Variants in TRAPPC12 observed in about 807,000 individuals in gnomAD.
The protein encoded by TRAPPC12 is TPR repeat protein 15.
Under a neutral mutation model 69.2 loss-of-function variants are expected in TRAPPC12, and 61 were observed. That is an observed-to-expected ratio of 0.88 (90% CI 0.72 to 1.09). The LOEUF is 1.09. Among genes scored for constraint, TRAPPC12 ranks in the 50% least tolerant of loss-of-function variants. The probability of loss-of-function intolerance (pLI) is 0.00; values close to 1 mark genes in which losing one functional copy is unlikely to be tolerated. For missense variants in TRAPPC12, 1,101 were observed against 1,016.4 expected (o/e 1.08, Z -1.13); for synonymous variants, 469 against 438.9 (o/e 1.07, Z -0.86).
In TRAPPC12 at chr2:3,436,232, A is replaced by G. The variant is rs535023921; in HGVS notation, c.1418-7547A>G. ...CACTATATTTAATAGTATTTCTGAG[A>G]AAAAAAATACATATTTTAAGTCTCA... On this transcript the variant is annotated intron_variant, in intron 5 of 11. Transcript: ENST00000324266. Among the ~76,000 whole-genome samples, 146 of 151,730 alleles carry G rather than the reference A, an allele frequency of 9.6e-4. 1 individual carries two copies. Among genetic ancestry groups the G allele is most frequent in the African/African-American group, 3.4e-3 (141 of 41,360 alleles).
At chr2:3,380,685 A>G (rs1180472185) in intron 1 of TRAPPC12, among the ~76,000 whole-genome samples, 1 of 152,176 alleles carries the variant, frequency 6.6e-6, no homozygotes, top group East Asian at 1.9e-4. Flanking sequence ...AGCAAATGAA[A>G]TATTACACAG....
chr2:3,403,230 A>AT lies in TRAPPC12; in HGVS notation c.1164+1356dup, dbSNP rs35354979. 6.7e-3 allele frequency among the ~76,000 whole-genome samples: 794 copies of AT among 119,374 alleles called. 21 individuals carry two copies. Among genetic ancestry groups the AT allele is most frequent in the African/African-American group, 0.013 (390 of 30,712 alleles). The allele number at this position is 119,374 out of a possible 152,430, so 78.3% of individuals were successfully genotyped here. Reference sequence around the variant, plus strand: ...CTGCACCGGGCTTCAGATTTCACCAATTTTTTTTTTTTTTTTTTTGAGATG... The same window carrying AT: ...CTGCACCGGGCTTCAGATTTCACCAATTTTTTTTTTTTTTTTTTTTGAGATG... On this transcript the variant is annotated intron_variant, in intron 3 of 11. Coordinates refer to ENST00000324266, the MANE Select transcript of TRAPPC12 (RefSeq NM_016030.6).
intron 5 of TRAPPC12, among the ~76,000 whole-genome samples, chr2:3,438,499 G>A (rs1029614985): frequency 5.4e-3 from 46 of 8,510 alleles, no homozygotes; most frequent in African/African-American, 0.015. Context: ...TTAATCCCCC[G>A]CCACCCCTGG....
At chr2:3,426,150 A>G (rs11886028) in intron 5 of TRAPPC12, among the ~76,000 whole-genome samples, 23 of 152,200 alleles carry the variant, frequency 1.5e-4, no homozygotes, top group African/African-American at 5.3e-4. Context: ...CTTTAGTCTC[A>G]CTGGTATTAA....
intron 4 of TRAPPC12, among the ~76,000 whole-genome samples, chr2:3,422,396 C>T (rs1662861236): frequency 6.6e-6 from 1 of 151,794 alleles, no homozygotes; most frequent in Non-Finnish European, 1.5e-5. Flanking sequence ...ATTTGCTCCT[C>T]GTGGTATATC....
At chr2:3,403,434 A>G (rs1229712248) in intron 3 of TRAPPC12, among the ~76,000 whole-genome samples, 1 of 152,040 alleles carries the variant, frequency 6.6e-6, no homozygotes, top group Non-Finnish European at 1.5e-5. Flanking sequence ...GGGTTTCACC[A>G]TGGCCAGGCT....
At chr2:3,428,210 G>A (rs1365133718) in intron 5 of TRAPPC12, among the ~76,000 whole-genome samples, 1 of 152,184 alleles carries the variant, frequency 6.6e-6, no homozygotes, top group East Asian at 1.9e-4. Flanking sequence ...ATTGGTAAAT[G>A]GATAAAGAGA....
At chr2:3,426,931 G>A (rs564030660) in intron 5 of TRAPPC12, among the ~76,000 whole-genome samples, 19 of 152,150 alleles carry the variant, frequency 1.2e-4, no homozygotes, top group Non-Finnish European at 2.4e-4. Flanking sequence ...TGATTCTGTC[G>A]TGTCCCTTTC....
chr2:3,439,958 G>A (rs1664107173), intron 5 of TRAPPC12, among the ~76,000 whole-genome samples: 1 of 150,912 alleles, frequency 6.6e-6, no homozygotes, highest in South Asian at 2.1e-4. Context: ...TTTCTCCATT[G>A]AATTACCTTT....
At chr2:3,463,385 G>A (rs2103148183) in intron 8 of TRAPPC12, among the ~76,000 whole-genome samples, 2 of 151,828 alleles carry the variant, frequency 1.3e-5, no homozygotes, top group South Asian at 4.2e-4. Context: ...GGTGGGAGTG[G>A]CTGCCGGCGG....
In TRAPPC12 at chr2:3,387,793, C is replaced by T. The variant is rs780396369; in HGVS notation, c.170C>T (p.Pro57Leu). 6.2e-6 allele frequency: 10 copies of T among 1,613,366 alleles called. No individual in the cohort carries two copies. In the Admixed American group the frequency reaches 1.7e-4, roughly 27 times the overall value. Residue 57 changes from proline (P) to leucine (L), a missense_variant, in exon 2 of 12, where the codon CCT becomes CTT. Physicochemically the swap from Pro to Leu is moderately conservative, Grantham distance 98. Coordinates refer to ENST00000324266, the MANE Select transcript of TRAPPC12 (RefSeq NM_016030.6). Reference protein sequence around the residue: ...ENETASEGSSPLADKLNEHMM... With the variant: ...ENETASEGSSLLADKLNEHMM... ...GAGACCGCATCGGAAGGCTCGAGTCCTCTCGCGGACAAGCTGAACGAACAC... is the reference window on the plus strand; with the variant it reads ...GAGACCGCATCGGAAGGCTCGAGTCTTCTCGCGGACAAGCTGAACGAACAC...
chr2:3,452,989 A>G (rs944534527), intron 6 of TRAPPC12, among the ~76,000 whole-genome samples: 25 of 152,232 alleles, frequency 1.6e-4, no homozygotes, highest in African/African-American at 5.8e-4. Context: ...AGCTAAGGAA[A>G]TAGGAATTCA....
chr2:3,470,591 C>A (rs1051404231), intron 9 of TRAPPC12, among the ~76,000 whole-genome samples: 3 of 152,204 alleles, frequency 2.0e-5, no homozygotes, highest in African/African-American at 7.2e-5. Flanking sequence ...ATGTTTAGGT[C>A]ATCTAATACT....
chr2:3,408,353 G>A (rs1440109701), intron 3 of TRAPPC12, among the ~76,000 whole-genome samples: 2 of 152,358 alleles, frequency 1.3e-5, no homozygotes, highest in South Asian at 2.1e-4. Context: ...AAAGCTGGGC[G>A]TGGTGGCTCA....
chr2:3,427,036 T>C (rs547078198), intron 5 of TRAPPC12, among the ~76,000 whole-genome samples: 1 of 152,306 alleles, frequency 6.6e-6, no homozygotes, highest in South Asian at 2.1e-4. Context: ...ACTTGGTAGG[T>C]TGTGAAGAAA....
chr2:3,468,140 A>G (rs1665904285), intron 9 of TRAPPC12: 1 of 152,094 alleles, frequency 6.6e-6, no homozygotes, highest in Non-Finnish European at 1.5e-5. Flanking sequence ...ACGGGACCAC[A>G]CTTGCTGCTT....
At chr2:3,403,326 G>A (rs1455583584) in intron 3 of TRAPPC12, among the ~76,000 whole-genome samples, 3 of 145,638 alleles carry the variant, frequency 2.1e-5, no homozygotes, top group Non-Finnish European at 4.4e-5. Flanking sequence ...TCCACCTCCC[G>A]GGTTCAAGTG....
At chr2:3,464,161 C>CAA (rs1392564815) in intron 8 of TRAPPC12, among the ~76,000 whole-genome samples, 7 of 152,014 alleles carry the variant, frequency 4.6e-5, no homozygotes, top group Non-Finnish European at 1.0e-4. Context: ...TGCTCACACA[C>CAA]ACGCTCACAC....
intron 2 of TRAPPC12, among the ~76,000 whole-genome samples, chr2:3,396,229 A>G (rs1661123648): frequency 6.8e-6 from 1 of 147,584 alleles, no homozygotes; most frequent in Non-Finnish European, 1.5e-5. Flanking sequence ...GTAGAATTCT[A>G]GGTTGACAGG....
Sources: allele counts gnomAD v4.1 joint callset (sites outside exome capture counted in the v4.1 genomes callset), GRCh38; gene constraint gnomAD v4.1.1; transcripts MANE v1.5; gene names NCBI Gene and HGNC (gene_info 2026-07-23, HGNC 2026-07-21).